DCDC2C: variants seen among roughly 807,000 people sequenced by gnomAD.
DCDC2C encodes the protein doublecortin domain-containing protein 2C.
DCDC2C carries 44 observed loss-of-function variants against 45.0 expected under a neutral mutation model. That is an observed-to-expected ratio of 0.98 (90% CI 0.77 to 1.26). The LOEUF (loss-of-function observed/expected upper bound fraction) is 1.26, where lower values mean the gene tolerates loss of function less well. DCDC2C is among the 50% of genes most tolerant of loss of function. DCDC2C has a pLI of 0.00. For missense variants in DCDC2C, 447 were observed against 468.9 expected (o/e 0.95, Z 0.43); for synonymous variants, 187 against 178.8 (o/e 1.05, Z -0.37).
intron 10 of DCDC2C, among the ~76,000 whole-genome samples, chr2:3,824,615 T>C (rs1040220139): frequency 1.3e-5 from 2 of 152,174 alleles, no homozygotes; most frequent in African/African-American, 2.4e-5. Flanking sequence ...TTCAAATTCA[T>C]TACTTTCTGC....
At position 3,756,328 on chromosome 2, in the gene DCDC2C, C is replaced by A. The variant is rs143722498; in HGVS notation, c.726+1694C>A. On this transcript the variant is annotated intron_variant, in intron 6 of 10. Coordinates refer to ENST00000399143, the MANE Select transcript of DCDC2C (RefSeq NM_001287444.2). The stretch of plus-strand genomic sequence containing the variant: ...AAAGCTATTGAACACGTACTCTTTC[C>A]AGTGCCTGTCTGCCTGGCTCACTGG... Among the ~76,000 whole-genome samples, 234 of 152,246 alleles carry A rather than the reference C, an allele frequency of 1.5e-3. 2 individuals carry two copies. Among genetic ancestry groups the A allele is most frequent in the Middle Eastern group, 0.01 (3 of 294 alleles).
At chr2:3,723,141 C>T (rs756200465) in intron 2 of DCDC2C, among the ~76,000 whole-genome samples, 5 of 152,138 alleles carry the variant, frequency 3.3e-5, no homozygotes, top group Admixed American at 6.6e-5. Context: ...ATCCATTATT[C>T]GTTTGTCTTC....
At chr2:3,782,001 A>G in intron 9 of DCDC2C, among the ~76,000 whole-genome samples, 1 of 152,220 alleles carries the variant, frequency 6.6e-6, no homozygotes, top group East Asian at 1.9e-4. Flanking sequence ...ACCATTTTCA[A>G]CGTGCAGTTC....
chr2:3,736,110 C>T (rs1180883974), intron 3 of DCDC2C, among the ~76,000 whole-genome samples: 1 of 152,016 alleles, frequency 6.6e-6, no homozygotes, highest in Non-Finnish European at 1.5e-5. Context: ...TAAATGAGTG[C>T]CAGGTGGAGG....
At chr2:3,705,362 A>C (rs935565450) in intron 1 of DCDC2C, among the ~76,000 whole-genome samples, 9 of 152,192 alleles carry the variant, frequency 5.9e-5, no homozygotes, top group Non-Finnish European at 1.2e-4. Context: ...TCATGGACAA[A>C]ATTATATTCC....
chr2:3,728,444 C>A (rs181462325), intron 3 of DCDC2C, among the ~76,000 whole-genome samples: 1 of 152,224 alleles, frequency 6.6e-6, no homozygotes, highest in African/African-American at 2.4e-5. Flanking sequence ...CCTCAGGGAA[C>A]GTCGTTGGTT....
intron 3 of DCDC2C, among the ~76,000 whole-genome samples, chr2:3,735,060 C>T (rs1188777664): frequency 6.6e-6 from 1 of 152,060 alleles, no homozygotes; most frequent in Non-Finnish European, 1.5e-5. Context: ...ATGTTGAAGA[C>T]TAGAAACTTG....
rs1672360596 is a variant in DCDC2C at position 3,847,415 on chromosome 2, G to A, written c.*232G>A. 1 of 345,438 alleles carries A rather than the reference G, an allele frequency of 2.9e-6. No homozygotes were observed. Among genetic ancestry groups the A allele is most frequent in the Non-Finnish European group, 5.2e-6 (1 of 192,204 alleles). 21.4% of individuals were successfully genotyped at this position (345,438 alleles called of 1,614,324 possible). ...GTAAACATTTTAAAGAATGAAACGT[G>A]GTTCTTTATCATTAAGCCCCCAAAA... On this transcript the variant is annotated 3_prime_UTR_variant, in exon 11 of 11. Transcript: ENST00000399143.
intron 6 of DCDC2C, among the ~76,000 whole-genome samples, chr2:3,765,203 C>T (rs1412870320): frequency 1.3e-5 from 2 of 152,216 alleles, no homozygotes; most frequent in Non-Finnish European, 2.9e-5. Context: ...ACTCTTCTTT[C>T]CCTACTGTCT....
At chr2:3,744,040 C>T (rs888083100) in intron 4 of DCDC2C, among the ~76,000 whole-genome samples, 2 of 152,104 alleles carry the variant, frequency 1.3e-5, no homozygotes, top group African/African-American at 2.4e-5. Context: ...CTGTGTCTTG[C>T]GAATGGACAG....
chr2:3,746,608 T>C (rs1669370081), intron 4 of DCDC2C, among the ~76,000 whole-genome samples: 1 of 152,224 alleles, frequency 6.6e-6, no homozygotes, highest in Non-Finnish European at 1.5e-5. Context: ...CCGTTGAGTA[T>C]ATACTCTGCA....
intron 8 of DCDC2C, among the ~76,000 whole-genome samples, chr2:3,772,988 A>AG (rs1479980016): frequency 6.6e-6 from 1 of 152,206 alleles, no homozygotes; most frequent in African/African-American, 2.4e-5. Flanking sequence ...GTTCTGCATT[A>AG]GGGAAGCGGT....
chr2:3,748,094 G>A (rs1669426773), intron 4 of DCDC2C, among the ~76,000 whole-genome samples: 1 of 152,200 alleles, frequency 6.6e-6, no homozygotes, highest in African/African-American at 2.4e-5. Context: ...GAGGGCAGGA[G>A]CTGCTGAGCC....
intron 9 of DCDC2C, among the ~76,000 whole-genome samples, chr2:3,779,723 A>C (rs1212730109): frequency 2.0e-5 from 3 of 152,092 alleles, no homozygotes; most frequent in African/African-American, 7.2e-5. Flanking sequence ...AGTCTGATTT[A>C]TCCTCCAGGG....
chr2:3,790,450 C>T (rs1469783895), intron 10 of DCDC2C, among the ~76,000 whole-genome samples: 1 of 152,172 alleles, frequency 6.6e-6, no homozygotes, highest in Non-Finnish European at 1.5e-5. Flanking sequence ...AGATCCATAA[C>T]AATCATTTCC....
intron 10 of DCDC2C, among the ~76,000 whole-genome samples, chr2:3,829,663 C>T (rs548601666): frequency 6.6e-6 from 1 of 152,250 alleles, no homozygotes; most frequent in East Asian, 1.9e-4. Context: ...TTCTTAATAT[C>T]TTTGGGTAAA....
chr2:3,739,627 C>T (rs1669141193), intron 3 of DCDC2C, among the ~76,000 whole-genome samples: 1 of 152,222 alleles, frequency 6.6e-6, no homozygotes, highest in African/African-American at 2.4e-5. Context: ...GGCCTGACTC[C>T]AGGGAAAAAC....
chr2:3,709,781 G>A (rs572999748), intron 2 of DCDC2C, among the ~76,000 whole-genome samples: 72 of 152,172 alleles, frequency 4.7e-4, no homozygotes, highest in South Asian at 8.3e-4. Flanking sequence ...TTGAGTCTCG[G>A]TTCATCCTTT....
At chr2:3,846,125 C>T (rs1160203719) in intron 10 of DCDC2C, among the ~76,000 whole-genome samples, 1 of 151,966 alleles carries the variant, frequency 6.6e-6, no homozygotes, top group African/African-American at 2.4e-5. Context: ...CTCCCTCCTT[C>T]CCTCCTCGTC....
Sources: allele counts gnomAD v4.1 joint callset (sites outside exome capture counted in the v4.1 genomes callset), GRCh38; gene constraint gnomAD v4.1.1; transcripts MANE v1.5; gene names NCBI Gene and HGNC (gene_info 2026-07-23, HGNC 2026-07-21).